PCDHA9: variants seen among roughly 807,000 people sequenced by gnomAD.
PCDHA9 encodes protocadherin alpha-9.
A neutral mutation model predicts 62.0 loss-of-function variants in PCDHA9; 62 were observed. The observed-to-expected ratio is 1.00, with a 90% CI of 0.81 to 1.23. The LOEUF (loss-of-function observed/expected upper bound fraction) is 1.23. Ranked by LOEUF, PCDHA9 falls within the 50% of genes most tolerant of loss-of-function variation. The pLI, the probability that PCDHA9 is intolerant of heterozygous loss-of-function variation, is 0.00. For missense variants in PCDHA9, 1,205 were observed against 1,249.8 expected (o/e 0.96, Z 0.54); for synonymous variants, 557 against 567.6 (o/e 0.98, Z 0.27).
chr5:140,861,667 T>G (rs1459883845), intron 1 of PCDHA9: 1 of 254,356 alleles, frequency 3.9e-6, no homozygotes, highest in Admixed American at 4.6e-5. Context: ...CGAGAGCTCT[T>G]GATTATCGTG....
chr5:140,982,299 T>C, intron 2 of PCDHA9, 176 bp from the exon 3 acceptor site: 1 of 1,200,862 alleles, frequency 8.3e-7, no homozygotes, highest in South Asian at 1.7e-5. Flanking sequence ...AAGTCAGCAA[T>C]GCTTCTGCAG....
intron 1 of PCDHA9, among the ~76,000 whole-genome samples, chr5:140,933,379 G>A (rs1403607512): frequency 6.6e-6 from 1 of 151,928 alleles, no homozygotes; most frequent in East Asian, 1.9e-4. Flanking sequence ...TTCCTTGGCT[G>A]TTCCTAGAGC....
intron 1 of PCDHA9, among the ~76,000 whole-genome samples, chr5:140,904,216 ATTG>A (rs2070958692): frequency 6.6e-6 from 1 of 151,842 alleles, no homozygotes; most frequent in East Asian, 1.9e-4. Flanking sequence ...CCCAAAGTCC[ATTG>A]TATTATACTT....
At chr5:140,891,223 C>T (rs903810382) in intron 1 of PCDHA9, among the ~76,000 whole-genome samples, 19 of 152,110 alleles carry the variant, frequency 1.2e-4, no homozygotes, top group Non-Finnish European at 2.2e-4. Flanking sequence ...TCTTTATAAT[C>T]ATCCTGTTCT....
chr5:140,992,976 AG>A (rs2097535791), intron 3 of PCDHA9, among the ~76,000 whole-genome samples: 3 of 152,240 alleles, frequency 2.0e-5, no homozygotes, highest in Non-Finnish European at 4.4e-5. Flanking sequence ...GACAATGATT[AG>A]GCCATGGGAC....
At chr5:140,850,949 A>C in intron 1 of PCDHA9, 60 bp downstream of exon 1, 1 of 1,501,564 alleles carries the variant, frequency 6.7e-7, no homozygotes, top group Non-Finnish European at 8.9e-7. Flanking sequence ...GATATTATCG[A>C]TTACTCCCAG....
chr5:140,926,766 C>A (rs950499262), intron 1 of PCDHA9: 34 of 1,343,396 alleles, frequency 2.5e-5, no homozygotes, highest in Non-Finnish European at 3.3e-5. Context: ...GAGTATCCAG[C>A]CCGCAGCAGT....
intron 1 of PCDHA9, chr5:140,877,567 T>C (rs1487907484): frequency 6.2e-7 from 1 of 1,613,664 alleles, no homozygotes; most frequent in East Asian, 2.2e-5. Context: ...TATTAACGTG[T>C]ACCTCATCAT....
chr5:140,852,121 TA>T, intron 1 of PCDHA9: 1 of 901,518 alleles, frequency 1.1e-6, no homozygotes, highest in Non-Finnish European at 1.4e-6. Context: ...ATGACCTAAT[TA>T]AAAACTCAGT....
chr5:140,880,836 A>G (rs1228476405), intron 1 of PCDHA9, among the ~76,000 whole-genome samples: 1 of 152,218 alleles, frequency 6.6e-6, no homozygotes, highest in Non-Finnish European at 1.5e-5. Context: ...GCATATTTTA[A>G]ATGGTTGACT....
intron 1 of PCDHA9, among the ~76,000 whole-genome samples, chr5:140,911,064 T>C (rs2153516956): frequency 6.6e-6 from 1 of 152,226 alleles, no homozygotes; most frequent in African/African-American, 2.4e-5. Flanking sequence ...GGGTGGGTCC[T>C]GAGGAGAATC....
chr5:140,928,308 C>A, intron 1 of PCDHA9: 1 of 1,614,126 alleles, frequency 6.2e-7, no homozygotes, highest in Non-Finnish European at 8.5e-7. Flanking sequence ...CCCAGGACCC[C>A]GACCTGGGGA....
At chr5:140,960,508 A>C (rs1026528724) in intron 1 of PCDHA9, among the ~76,000 whole-genome samples, 10 of 152,190 alleles carry the variant, frequency 6.6e-5, no homozygotes, top group Non-Finnish European at 1.3e-4. Context: ...TCCAAGCAGC[A>C]AACATAATGG....
At chr5:140,883,521 T>C in intron 1 of PCDHA9, 2 of 1,614,202 alleles carry the variant, frequency 1.2e-6, no homozygotes, top group Non-Finnish European at 1.7e-6. Flanking sequence ...CGCGAGAGCG[T>C]ATCAGCCTAT....
chr5:140,945,534 TACAA>T (rs1326981055), intron 1 of PCDHA9, among the ~76,000 whole-genome samples: 1 of 151,454 alleles, frequency 6.6e-6, no homozygotes, highest in African/African-American at 2.4e-5. Flanking sequence ...AAACAAAACA[TACAA>T]ACAAAAAAAT....
intron 1 of PCDHA9, chr5:140,883,594 G>T: frequency 1.9e-6 from 3 of 1,614,032 alleles, no homozygotes; most frequent in Non-Finnish European, 2.5e-6. Context: ...CCAGCGTGTC[G>T]GTGGGGGTGG....
At chr5:140,928,699 G>A in intron 1 of PCDHA9, 3 of 1,614,170 alleles carry the variant, frequency 1.9e-6, no homozygotes, top group Non-Finnish European at 2.5e-6. Flanking sequence ...CATCTCCCGG[G>A]CGTCTGACTC....
chr5:140,907,111 C>T (rs1465808747), intron 1 of PCDHA9, among the ~76,000 whole-genome samples: 1 of 152,130 alleles, frequency 6.6e-6, no homozygotes, highest in African/African-American at 2.4e-5. Flanking sequence ...ACTTCCACCC[C>T]TTGATTCCTG....
intron 1 of PCDHA9, among the ~76,000 whole-genome samples, chr5:140,903,411 A>G (rs265314): frequency 0.015 from 2,274 of 152,338 alleles, 53 homozygotes; most frequent in African/African-American, 0.052. Flanking sequence ...TGCAGTCAGG[A>G]AAAATTCAGC....
Sources: gnomAD v4.1 joint callset for allele counts (sites outside exome capture counted in the v4.1 genomes callset) on GRCh38, gnomAD v4.1.1 for gene constraint, MANE v1.5 for transcripts, NCBI Gene and HGNC (gene_info 2026-07-23, HGNC 2026-07-21) for gene names.